ROBO2: variants seen among roughly 807,000 people sequenced by gnomAD.
ROBO2 encodes the protein roundabout homolog 2.
In ROBO2, 53 loss-of-function variants were observed where a neutral mutation model predicts 160.8. That is an observed-to-expected ratio of 0.33 (90% CI 0.26 to 0.41). The LOEUF (loss-of-function observed/expected upper bound fraction) is 0.41. Ranked by LOEUF, ROBO2 falls within the 10% of genes least tolerant of loss-of-function variation. The pLI is 1.00. For synonymous variants in ROBO2, 664 were observed against 611.7 expected, an observed-to-expected ratio of 1.09 and a Z score of -1.26; for missense variants, 1,577 against 1,722.4, an observed-to-expected ratio of 0.92 and a Z score of 1.49.
intron 2 of ROBO2, among the ~76,000 whole-genome samples, chr3:76,978,940 T>G (rs1364853077): frequency 6.6e-6 from 1 of 150,588 alleles, no homozygotes; most frequent in Non-Finnish European, 1.5e-5. Flanking sequence ...GTTTGTTTGT[T>G]TTTTAAAAAA....
chr3:77,129,988 A>G (rs984719746), intron 2 of ROBO2, among the ~76,000 whole-genome samples: 1 of 152,172 alleles, frequency 6.6e-6, no homozygotes, highest in African/African-American at 2.4e-5. Context: ...ATAGAATAAG[A>G]GAAGACAACG....
intron 2 of ROBO2, among the ~76,000 whole-genome samples, chr3:76,216,809 C>T (rs972990154): frequency 2.6e-5 from 4 of 152,128 alleles, no homozygotes; most frequent in Admixed American, 6.5e-5. Flanking sequence ...ACCAAGCGGA[C>T]CTAATAGACA....
At chr3:76,605,736 A>G (rs1010280896) in intron 2 of ROBO2, among the ~76,000 whole-genome samples, 1 of 152,194 alleles carries the variant, frequency 6.6e-6, no homozygotes, top group African/African-American at 2.4e-5. Flanking sequence ...AAGAATAAGT[A>G]GCACATCTGG....
At chr3:76,642,061 C>T (rs1301356420) in intron 2 of ROBO2, among the ~76,000 whole-genome samples, 1 of 152,114 alleles carries the variant, frequency 6.6e-6, no homozygotes. Flanking sequence ...GTTAGGTGAA[C>T]TCCATGTACT....
intron 2 of ROBO2, among the ~76,000 whole-genome samples, chr3:76,104,030 C>T (rs994392432): frequency 6.6e-6 from 1 of 152,142 alleles, no homozygotes; most frequent in African/African-American, 2.4e-5. Flanking sequence ...TCTCTACTGG[C>T]CTTAGACATG....
chr3:76,250,969 C>T (rs985254621), intron 2 of ROBO2, among the ~76,000 whole-genome samples: 3 of 151,908 alleles, frequency 2.0e-5, no homozygotes, highest in African/African-American at 7.3e-5. Flanking sequence ...ATCCCAGAAA[C>T]TATAAAGGTG....
intron 2 of ROBO2, among the ~76,000 whole-genome samples, chr3:76,500,930 G>A (rs1170578682): frequency 6.6e-6 from 1 of 151,974 alleles, no homozygotes; most frequent in African/African-American, 2.4e-5. Flanking sequence ...CACTTGACAT[G>A]TCCTGTGTAC....
intron 2 of ROBO2, among the ~76,000 whole-genome samples, chr3:76,206,444 G>A (rs1391021478): frequency 2.1e-5 from 3 of 141,946 alleles, no homozygotes; most frequent in Non-Finnish European, 4.8e-5. Flanking sequence ...ATTTGAATAT[G>A]GAAAATCAAA....
chr3:76,097,498 C>A (rs2069502840), intron 2 of ROBO2, among the ~76,000 whole-genome samples: 1 of 152,070 alleles, frequency 6.6e-6, no homozygotes, highest in African/African-American at 2.4e-5. Context: ...TTAGCTAAAT[C>A]TAAGGAGACT....
At chr3:76,953,886 G>A (rs1256490725) in intron 2 of ROBO2, among the ~76,000 whole-genome samples, 4 of 151,980 alleles carry the variant, frequency 2.6e-5, no homozygotes, top group South Asian at 2.1e-4. Context: ...TTTAAAGGCC[G>A]GCATCCTCTG....
intron 2 of ROBO2, among the ~76,000 whole-genome samples, chr3:76,875,800 C>T (rs899227978): frequency 2.6e-5 from 4 of 152,032 alleles, no homozygotes; most frequent in Non-Finnish European, 5.9e-5. Context: ...ATTATAGGTG[C>T]CTGCTACCAC....
intron 2 of ROBO2, among the ~76,000 whole-genome samples, chr3:76,489,161 T>G (rs1351532122): frequency 3.3e-5 from 5 of 149,362 alleles, no homozygotes; most frequent in Non-Finnish European, 4.4e-5. Flanking sequence ...TTTGTTTTTT[T>G]TTTTGGCCTC....
chr3:76,167,073 T>A (rs2072865406), intron 2 of ROBO2, among the ~76,000 whole-genome samples: 1 of 152,128 alleles, frequency 6.6e-6, no homozygotes, highest in Non-Finnish European at 1.5e-5. Context: ...CTCAAGTAGC[T>A]TGGATTACAG....
chr3:76,305,739 A>G (rs1259660368), intron 2 of ROBO2, among the ~76,000 whole-genome samples: 2 of 148,582 alleles, frequency 1.3e-5, no homozygotes, highest in South Asian at 4.3e-4. Context: ...AGCCTGGGTA[A>G]CAGAGTGGGA....
At chr3:77,105,452 A>G (rs1331824041) in intron 2 of ROBO2, among the ~76,000 whole-genome samples, 1 of 152,120 alleles carries the variant, frequency 6.6e-6, no homozygotes, top group African/African-American at 2.4e-5. Context: ...CACAGCTGAA[A>G]AACGCTCCCT....
At chr3:77,034,788 G>T (rs1326464015) in intron 2 of ROBO2, among the ~76,000 whole-genome samples, 5 of 151,784 alleles carry the variant, frequency 3.3e-5, no homozygotes, top group East Asian at 3.9e-4. Context: ...TTTCTATTAG[G>T]ATTACAGCTA....
At chr3:76,238,859 C>T (rs1705120484) in intron 2 of ROBO2, among the ~76,000 whole-genome samples, 1 of 152,200 alleles carries the variant, frequency 6.6e-6, no homozygotes, top group South Asian at 2.1e-4. Context: ...CAAAGCCTAA[C>T]CATATCACTG....
chr3:77,387,183 C>G (rs1362756563), intron 2 of ROBO2, among the ~76,000 whole-genome samples: 1 of 151,554 alleles, frequency 6.6e-6, no homozygotes, highest in Non-Finnish European at 1.5e-5. Context: ...GACTATCATG[C>G]CCCTGGTGGG....
chr3:76,500,768 A>T (rs2080417515), intron 2 of ROBO2, among the ~76,000 whole-genome samples: 1 of 152,222 alleles, frequency 6.6e-6, no homozygotes, highest in South Asian at 2.1e-4. Context: ...ATATCTTTGC[A>T]TGGTGATTTC....
Sources: gnomAD v4.1 joint callset for allele counts (sites outside exome capture counted in the v4.1 genomes callset) on GRCh38, gnomAD v4.1.1 for gene constraint, MANE v1.5 for transcripts, NCBI Gene and HGNC (gene_info 2026-07-23, HGNC 2026-07-21) for gene names.